NECTIN3: variants seen among roughly 807,000 people sequenced by gnomAD.
NECTIN3 encodes the protein nectin-3.
A neutral mutation model predicts 49.4 loss-of-function variants in NECTIN3; 8 were observed. That is an observed-to-expected ratio of 0.16 (90% CI 0.10 to 0.29). NECTIN3 has a LOEUF of 0.29. NECTIN3 is among the 10% of genes least tolerant of loss of function. The pLI is 1.00. For missense variants in NECTIN3, 581 were observed against 654.6 expected, an observed-to-expected ratio of 0.89 and a Z score of 1.23; for synonymous variants, 277 against 241.1, an observed-to-expected ratio of 1.15 and a Z score of -1.38.
Position 111,118,917 on chromosome 3 carries a change from A to G in NECTIN3, c.764A>G (p.Lys255Arg), listed in dbSNP as rs764429627. 1.9e-6 allele frequency: 3 copies of G among 1,614,060 alleles called. No homozygotes were observed. Among genetic ancestry groups the G allele is most frequent in the Non-Finnish European group, 2.5e-6 (3 of 1,179,936 alleles). Residue 255 changes from lysine (K) to arginine (R), a missense_variant, in exon 3 of 6, where the codon AAG (lysine) becomes AGG (arginine). Physicochemically the swap from Lys to Arg is conservative, Grantham distance 26 (BLOSUM62 2). Around this residue, in one of 3 missense-constraint regions of NECTIN3, gnomAD observed 234 missense variants for 340.6 expected, o/e 0.69. Transcript: ENST00000485303. Reference protein sequence around the residue: ...TCVVKHPALEKDIRYSFILDI... With the variant: ...TCVVKHPALERDIRYSFILDI... ...GTTGTAAAACATCCAGCCTTGGAAA[A>G]GGACATCCGATACTCTTTCATATTA...
At chr3:111,180,388 T>G (rs995531511) in intron 7 of NECTIN3, among the ~76,000 whole-genome samples, 1 of 152,190 alleles carries the variant, frequency 6.6e-6, no homozygotes, top group African/African-American at 2.4e-5. Flanking sequence ...TACGCATATG[T>G]GTAATTATCT....
downstream of NECTIN3, among the ~76,000 whole-genome samples, chr3:111,140,982 T>G (rs942369206): frequency 4.6e-5 from 7 of 151,974 alleles, no homozygotes; most frequent in Admixed American, 4.6e-4. Context: ...TCTTTCACTC[T>G]ACTTTGGGGG....
Position 111,137,465 on chromosome 3 carries a change from G to GT in NECTIN3, c.*3256dup, listed in dbSNP as rs1265087595. The GT allele has an allele frequency of 6.2e-6, 6 of 964,210 alleles. No individual in the cohort carries two copies. The highest frequency in any genetic ancestry group is 6.1e-6 in the Non-Finnish European group (5 of 814,232). 59.7% of individuals were successfully genotyped at this position (964,210 alleles called of 1,614,324 possible). A position where few individuals can be genotyped will look rare whatever the true frequency, so the allele number is the denominator to read the frequency against. ...TTTTTGTTTTGTTTTGTTTTGTTTT[G>GT]TTTTTTCTTTTTTAACCAACCTGTG... is the stretch of plus-strand genomic sequence containing the variant. On this transcript the variant is annotated 3_prime_UTR_variant, in exon 6 of 6. Coordinates refer to ENST00000485303, the MANE Select transcript of NECTIN3 (RefSeq NM_015480.3).
chr3:111,141,957 G>A (rs2034757222), downstream of NECTIN3, among the ~76,000 whole-genome samples: 1 of 151,774 alleles, frequency 6.6e-6, no homozygotes, highest in Non-Finnish European at 1.5e-5. Flanking sequence ...AGTCTATGAA[G>A]TATGTATATG....
chr3:111,095,560 C>G lies in NECTIN3; in HGVS notation c.161-16470C>G, dbSNP rs570968562. Among the ~76,000 whole-genome samples, 8 of 152,298 alleles carry G rather than the reference C, an allele frequency of 5.3e-5. 1 individual carries two copies. In the South Asian group the frequency reaches 1.7e-3, roughly 32 times the overall value. The stretch of plus-strand genomic sequence containing the variant: ...CAGCCTCCTTCCTGTTCCCCTGCCC[C>G]TTACTTTTTTCAACAGCTTTACATA... On this transcript the variant is annotated intron_variant, in intron 1 of 5. Transcript: ENST00000485303.
intron 5 of NECTIN3, among the ~76,000 whole-genome samples, chr3:111,130,038 C>T (rs186116587): frequency 1.7e-4 from 25 of 150,630 alleles, no homozygotes; most frequent in African/African-American, 5.9e-4. Context: ...TCACTGCAGG[C>T]TCCGCCTCCC....
intron 1 of NECTIN3, among the ~76,000 whole-genome samples, chr3:111,073,999 T>C (rs1276165950): frequency 6.6e-6 from 1 of 152,200 alleles, no homozygotes; most frequent in Non-Finnish European, 1.5e-5. Context: ...GCAAATGGAC[T>C]GTGTTTTAGA....
rs891437143 is a variant in NECTIN3 at position 111,135,920 on chromosome 3, C to A, written c.*1705C>A. Reference sequence around the variant, plus strand: ...AGGCTGTAGTATCAGGTTAAGGATACAGATAAATAAAGTTCACTTATATCT... The same window carrying A: ...AGGCTGTAGTATCAGGTTAAGGATAAAGATAAATAAAGTTCACTTATATCT... On this transcript the variant is annotated 3_prime_UTR_variant, in exon 6 of 6. Coordinates refer to ENST00000485303, the MANE Select transcript of NECTIN3 (RefSeq NM_015480.3). The A allele has an allele frequency of 2.2e-6, 2 of 918,834 alleles. No individual in the cohort carries two copies. The highest frequency in any genetic ancestry group is 2.6e-6 in the Non-Finnish European group (2 of 770,518). 56.9% of individuals were successfully genotyped at this position (918,834 alleles called of 1,614,324 possible).
At chr3:111,179,817 T>G (rs533327353) in intron 7 of NECTIN3, among the ~76,000 whole-genome samples, 104 of 150,930 alleles carry the variant, frequency 6.9e-4, no homozygotes, top group African/African-American at 2.5e-3. Context: ...GGTGTGAACC[T>G]GGGAGACAGC....
In NECTIN3 at chr3:111,075,876, T is replaced by C. The variant is rs78352079; in HGVS notation, c.160+3699T>C. Reference sequence around the variant, plus strand: ...AGAATGTTAGTGATCATACTGAAGATAGGGGTTGGAGAAGGGACTCATAAT... The same window carrying C: ...AGAATGTTAGTGATCATACTGAAGACAGGGGTTGGAGAAGGGACTCATAAT... On this transcript the variant is annotated intron_variant, in intron 1 of 5. Transcript: ENST00000485303. 3.4e-4 allele frequency among the ~76,000 whole-genome samples: 51 copies of C among 152,216 alleles called. 3 individuals carry two copies. In the East Asian group the frequency reaches 9.8e-3, roughly 29 times the overall value.
At position 111,177,870 on chromosome 3, in the gene NECTIN3, T is replaced by C. The variant is rs2107530406; in HGVS notation, c.1222-14481T>C. 2.6e-5 allele frequency among the ~76,000 whole-genome samples: 4 copies of C among 152,338 alleles called. No individual in the cohort carries two copies. The South Asian group carries it at 8.3e-4, about 32-fold the overall frequency. ...GATTAAGAGCATCTTGGAATTATAT[T>C]TGGATATCATTTGCCTGCAAATAAT... On this transcript the variant is annotated intron_variant, in intron 7 of 8. Transcript: ENST00000493615.
At chr3:111,097,778 TCTCCATTAAACCTCTTCC>T (rs1190550810) in intron 1 of NECTIN3, among the ~76,000 whole-genome samples, 3 of 152,138 alleles carry the variant, frequency 2.0e-5, no homozygotes, top group African/African-American at 2.4e-5. Flanking sequence ...AACTGTGAGT[TCTCCATTAAACCTCTTCC>T]CTCCATTAAA....
intron 2 of NECTIN3, among the ~76,000 whole-genome samples, chr3:111,113,401 A>G (rs1186657253): frequency 6.6e-6 from 1 of 152,172 alleles, no homozygotes; most frequent in Non-Finnish European, 1.5e-5. Context: ...CTCACATCAC[A>G]GTGTCTGCTT....
chr3:111,145,463 TTGAG>T (rs2034851526), intron 6 of NECTIN3, among the ~76,000 whole-genome samples: 1 of 152,208 alleles, frequency 6.6e-6, no homozygotes, highest in Non-Finnish European at 1.5e-5. Flanking sequence ...ATTAAATACA[TTGAG>T]TTTTAAAAAT....
rs769397472 is a variant in NECTIN3 at position 111,134,203 on chromosome 3, G to A, written c.1638G>A (p.Glu546=). 4.4e-6 allele frequency: 7 copies of A among 1,600,214 alleles called. No homozygotes were observed. In the South Asian group the frequency reaches 5.7e-5, roughly 13 times the overall value. ...ATGGTTCCGTAATTTCCAGGAGGGA[G>A]TGGTATGTTTAGCAACCACTGAATG... ...HVDGSVISRR[E]WYV is the part of the protein sequence containing the mutation. Residue 546 remains glutamate, a synonymous_variant, in exon 6 of 6, where the codon GAG becomes GAA. Coordinates refer to ENST00000485303, the MANE Select transcript of NECTIN3 (RefSeq NM_015480.3).
At position 111,135,985 on chromosome 3, in the gene NECTIN3, T is replaced by C. The variant is rs1449682617; in HGVS notation, c.*1770T>C. 7 of 951,928 alleles carry C rather than the reference T, an allele frequency of 7.4e-6. No homozygotes were observed. Among genetic ancestry groups the C allele is most frequent in the South Asian group, 9.7e-5 (2 of 20,606 alleles). 59.0% of individuals were successfully genotyped at this position (951,928 alleles called of 1,614,324 possible). On this transcript the variant is annotated 3_prime_UTR_variant, in exon 6 of 6. Transcript: ENST00000485303. ...GGGTTTTAATATGGTTAATCACTTA[T>C]ATACAAATATTACAACTTTTTAGTG... is the stretch of plus-strand genomic sequence containing the variant.
chr3:111,133,597 C>G (rs1046828904), intron 5 of NECTIN3, 38 bp from the exon 6 acceptor site: 2 of 1,577,224 alleles, frequency 1.3e-6, no homozygotes, highest in African/African-American at 1.3e-5. Flanking sequence ...ACATTCTTTG[C>G]CTTTCTGTGT....
intron 1 of NECTIN3, chr3:111,077,359 A>AAAAAAAAAAAAAAAAAAAAAT (rs1559762266): frequency 3.4e-6 from 1 of 291,148 alleles, no homozygotes; most frequent in Non-Finnish European, 7.0e-6. Flanking sequence ...AAAAAAAAAA[A>AAAAAAAAAAAAAAAAAAAAAT]AAAAGATCAA....
At chr3:111,087,522 G>T (rs907786552) in intron 1 of NECTIN3, among the ~76,000 whole-genome samples, 1 of 151,978 alleles carries the variant, frequency 6.6e-6, no homozygotes, top group East Asian at 2.0e-4. Flanking sequence ...GTGTGGTGGT[G>T]CACACCTGTA....
Sources: gnomAD v4.1 joint callset for allele counts (sites outside exome capture counted in the v4.1 genomes callset) on GRCh38, gnomAD v4.1.1 for gene constraint, gnomAD v4.1.1 regional missense constraint, MANE v1.5 for transcripts, NCBI Gene and HGNC (gene_info 2026-07-23, HGNC 2026-07-21) for gene names.